Variants in DGKB observed in about 807,000 individuals in gnomAD.
DGKB encodes 90 kDa diacylglycerol kinase.
DGKB carries 67 observed loss-of-function variants against 114.3 expected under a neutral mutation model. That is an observed-to-expected ratio of 0.59 (90% CI 0.48 to 0.72). DGKB has a LOEUF of 0.72. Ranked by LOEUF, DGKB falls within the 30% of genes least tolerant of loss-of-function variation. DGKB has a pLI of 0.00. For synonymous variants in DGKB, 398 were observed against 323.1 expected, an observed-to-expected ratio of 1.23 and a Z score of -2.49; for missense variants, 907 against 975.2, an observed-to-expected ratio of 0.93 and a Z score of 0.93.
chr7:14,683,867 T>C (rs1821242107), intron 10 of DGKB, among the ~76,000 whole-genome samples: 1 of 152,078 alleles, frequency 6.6e-6, no homozygotes, highest in African/African-American at 2.4e-5. Context: ...TATTGAATAT[T>C]GCATTCACCA....
At chr7:14,630,381 T>C (rs955896883) in intron 13 of DGKB, 113 bp from the exon 14 acceptor site, 6 of 651,054 alleles carry the variant, frequency 9.2e-6, no homozygotes, top group Non-Finnish European at 1.5e-5. Context: ...AAATTAAAAA[T>C]ACATTTCCTT....
chr7:14,387,119 T>TATTA (rs1394990816), intron 21 of DGKB, among the ~76,000 whole-genome samples: 5 of 149,080 alleles, frequency 3.4e-5, no homozygotes, highest in Non-Finnish European at 5.9e-5. Flanking sequence ...TTTATTTATT[T>TATTA]ATTTATTTAA....
chr7:14,858,324 T>C (rs970149570), intron 1 of DGKB, among the ~76,000 whole-genome samples: 6 of 152,186 alleles, frequency 3.9e-5, no homozygotes, highest in African/African-American at 1.4e-4. Context: ...AATTTAACTG[T>C]AGGCCTTTGA....
intron 23 of DGKB, among the ~76,000 whole-genome samples, chr7:14,265,525 C>A (rs1023561435): frequency 6.6e-6 from 1 of 151,784 alleles, no homozygotes; most frequent in Non-Finnish European, 1.5e-5. Context: ...TCCCACATGC[C>A]CTTCTGGTAC....
chr7:14,895,822 A>T (rs1278651868), intron 1 of DGKB, among the ~76,000 whole-genome samples: 1 of 151,664 alleles, frequency 6.6e-6, no homozygotes, highest in Non-Finnish European at 1.5e-5. Flanking sequence ...CTCCATACAC[A>T]CTAGGGAAGG....
intron 20 of DGKB, among the ~76,000 whole-genome samples, chr7:14,496,362 T>C (rs1186477386): frequency 1.3e-5 from 2 of 151,716 alleles, no homozygotes; most frequent in South Asian, 2.1e-4. Flanking sequence ...GATAGATGGA[T>C]GGGTATTTGT....
intron 24 of DGKB, among the ~76,000 whole-genome samples, chr7:14,177,567 A>G (rs1781964448): frequency 6.6e-6 from 1 of 150,780 alleles, no homozygotes. Context: ...AAAAAAAAAA[A>G]AAAAAAAAAA....
chr7:14,321,603 GAAAAA>G (rs1164711723), intron 23 of DGKB, among the ~76,000 whole-genome samples: 2 of 44,536 alleles, frequency 4.5e-5, no homozygotes, highest in African/African-American at 1.2e-4. Flanking sequence ...AGAGAAATAA[GAAAAA>G]AAAAAAAAAA....
intron 13 of DGKB, among the ~76,000 whole-genome samples, chr7:14,652,581 T>G (rs886398882): frequency 1.2e-3 from 181 of 151,862 alleles, no homozygotes; most frequent in Non-Finnish European, 2.0e-3. Context: ...ATTCGGGACA[T>G]AGGCATGGGC....
intron 23 of DGKB, among the ~76,000 whole-genome samples, chr7:14,196,720 G>T (rs1785070771): frequency 1.3e-5 from 2 of 151,814 alleles, no homozygotes; most frequent in African/African-American, 4.8e-5. Context: ...ACTTACTACA[G>T]TATAAGAGAT....
At chr7:14,309,950 C>T (rs897457561) in intron 23 of DGKB, among the ~76,000 whole-genome samples, 2 of 152,188 alleles carry the variant, frequency 1.3e-5, no homozygotes, top group Admixed American at 6.5e-5. Flanking sequence ...TATGGAAGCA[C>T]TCTACTATGA....
At chr7:14,358,217 T>C (rs1040363495) in intron 21 of DGKB, among the ~76,000 whole-genome samples, 10 of 152,224 alleles carry the variant, frequency 6.6e-5, no homozygotes, top group African/African-American at 2.4e-4. Context: ...TCCCCGTCAC[T>C]TTCAGGTACA....
intron 1 of DGKB, among the ~76,000 whole-genome samples, chr7:14,900,041 A>G (rs1782754167): frequency 6.6e-6 from 1 of 152,162 alleles, no homozygotes; most frequent in Non-Finnish European, 1.5e-5. Context: ...TGTAAATGAG[A>G]GAGCATATGT....
At chr7:14,913,878 G>A (rs1161271707) in intron 1 of DGKB, among the ~76,000 whole-genome samples, 1 of 152,054 alleles carries the variant, frequency 6.6e-6, no homozygotes, top group Non-Finnish European at 1.5e-5. Context: ...GGAGTTCACA[G>A]AGTAAACTAC....
At chr7:14,595,779 A>G (rs1028954060) in intron 17 of DGKB, among the ~76,000 whole-genome samples, 1 of 151,962 alleles carries the variant, frequency 6.6e-6, no homozygotes, top group Non-Finnish European at 1.5e-5. Flanking sequence ...ATTTGTACTG[A>G]GGTTAAAAGA....
intron 17 of DGKB, among the ~76,000 whole-genome samples, chr7:14,590,520 C>T (rs7791129): frequency 1.9e-3 from 291 of 152,194 alleles, no homozygotes; most frequent in Middle Eastern, 6.8e-3. Flanking sequence ...ATCCTACCCC[C>T]AAACATAAAC....
At chr7:14,851,842 C>T (rs1329237285) in intron 1 of DGKB, among the ~76,000 whole-genome samples, 1 of 152,166 alleles carries the variant, frequency 6.6e-6, no homozygotes, top group Non-Finnish European at 1.5e-5. Context: ...GATGAAGTCA[C>T]AGTCAGCAAG....
intron 1 of DGKB, among the ~76,000 whole-genome samples, chr7:14,913,475 A>G (rs944617705): frequency 2.7e-5 from 4 of 149,810 alleles, no homozygotes; most frequent in Middle Eastern, 3.2e-3. Flanking sequence ...TGTGTCCTGC[A>G]TACTAGATAT....
intron 25 of DGKB, among the ~76,000 whole-genome samples, chr7:14,164,849 A>G (rs1395587150): frequency 6.6e-6 from 1 of 152,194 alleles, no homozygotes; most frequent in African/African-American, 2.4e-5. Context: ...AATACTTAAT[A>G]TATACCAGAA....
Sources: gnomAD v4.1 joint callset for allele counts (sites outside exome capture counted in the v4.1 genomes callset) on GRCh38, gnomAD v4.1.1 for gene constraint, MANE v1.5 for transcripts, NCBI Gene and HGNC (gene_info 2026-07-23, HGNC 2026-07-21) for gene names.